The following LRRN2 variants were observed in gnomAD, a reference collection of about 807,000 sequenced individuals.
LRRN2 encodes leucine rich repeat neuronal 2.
In LRRN2, 10 loss-of-function variants were observed where a neutral mutation model predicts 35.7. That is an observed-to-expected ratio of 0.28 (90% CI 0.17 to 0.47). The LOEUF is 0.47. LRRN2 is among the 20% of genes least tolerant of loss of function. LRRN2 has a pLI of 0.99. For missense variants in LRRN2, 731 were observed against 940.3 expected, an observed-to-expected ratio of 0.78 and a Z score of 2.91; for synonymous variants, 391 against 409.6, an observed-to-expected ratio of 0.95 and a Z score of 0.55.
At position 204,619,504 on chromosome 1, in the gene LRRN2, G is replaced by A; in HGVS notation, c.489C>T (p.Gly163=). The part of the protein sequence containing the change: ...LYRIAPRAFS[G]LSNLLRLHLN... ...GGTGCAGCCGCAGCAAGTTGCTGAG[G>A]CCAGAAAAGGCCCTGGGGGCGATGC... The change falls in exon 2 of 2, where the codon GGC becomes GGT. Residue 163 remains glycine, a synonymous_variant. Transcript: ENST00000367177. 5.0e-6 allele frequency: 8 copies of A among 1,614,248 alleles called. No individual in the cohort carries two copies. The highest frequency in any genetic ancestry group is 6.8e-6 in the Non-Finnish European group (8 of 1,180,044).
At position 204,618,822 on chromosome 1, in the gene LRRN2, C is replaced by G; in HGVS notation, c.1171G>C (p.Glu391Gln). ...NATGTRVRFI[E>Q]PQSTLCAEPP... The stretch of plus-strand genomic sequence containing the variant: ...TCCGCACACAGGGTGGATTGCGGCT[C>G]GATGAAGCGGACACGGGTGCCCGTG... Residue 391 changes from glutamate to glutamine, a missense_variant, in exon 2 of 2, where the codon GAG (glutamate) becomes CAG (glutamine). Transcript: ENST00000367177. The G allele has an allele frequency of 6.2e-7, 1 of 1,614,042 alleles. No homozygotes were observed. The highest frequency in any genetic ancestry group is 1.1e-5 in the South Asian group (1 of 91,082).
Position 204,618,634 on chromosome 1 carries a change from G to C in LRRN2, c.1359C>G (p.Pro453=). ...LHCRALAEPE[P]EIYWVTPAGL... ...CAGCTGGAGTGACCCAGTAGATCTC[G>C]GGTTCGGGTTCGGCCAGTGCCCGGC... Residue 453 remains proline (P), a synonymous_variant, in exon 2 of 2, where the codon CCC becomes CCG. Coordinates refer to ENST00000367177, the MANE Select transcript of LRRN2 (RefSeq NM_201630.2). The C allele has an allele frequency of 1.2e-6, 2 of 1,611,440 alleles. No homozygotes were observed. The highest frequency in any genetic ancestry group is 1.7e-6 in the Non-Finnish European group (2 of 1,178,614).
At chr1:204,633,501 A>C (rs1389543647) in intron 1 of LRRN2, among the ~76,000 whole-genome samples, 1 of 152,204 alleles carries the variant, frequency 6.6e-6, no homozygotes, top group Admixed American at 6.5e-5. Flanking sequence ...GGGCAATGAT[A>C]ATAATGGTAG....
At chr1:204,620,944 GGTGAGGGTTGGTGGAAA>G in intron 1 of LRRN2, 1 of 166,438 alleles carries the variant, frequency 6.0e-6, no homozygotes, top group Non-Finnish European at 1.5e-5. Flanking sequence ...GTGGGAGGTG[GGTGAGGGTTGGTGGAAA>G]TAAGTACAGC....
At chr1:204,651,393 TC>T (rs1668221333) in intron 1 of LRRN2, among the ~76,000 whole-genome samples, 1 of 152,228 alleles carries the variant, frequency 6.6e-6, no homozygotes. Flanking sequence ...AATGTGTGTT[TC>T]TTTAAGCTGC....
At chr1:204,655,137 GGTGGC>G (rs1438549492) in intron 1 of LRRN2, among the ~76,000 whole-genome samples, 1 of 152,236 alleles carries the variant, frequency 6.6e-6, no homozygotes, top group Non-Finnish European at 1.5e-5. Context: ...GTGGGACACA[GGTGGC>G]TGGACCCAGC....
intron 1 of LRRN2, among the ~76,000 whole-genome samples, chr1:204,683,908 T>C (rs1285355434): frequency 1.3e-5 from 2 of 152,184 alleles, no homozygotes; most frequent in African/African-American, 4.8e-5. Context: ...TGGCTTTTTC[T>C]GGTAGCCACA....
chr1:204,644,363 C>T (rs769200467), intron 1 of LRRN2, among the ~76,000 whole-genome samples: 4 of 152,082 alleles, frequency 2.6e-5, no homozygotes, highest in Non-Finnish European at 5.9e-5. Flanking sequence ...GGGGAGGTCA[C>T]TTTCTCTCCT....
At chr1:204,636,355 G>C (rs975739771) in intron 1 of LRRN2, among the ~76,000 whole-genome samples, 2 of 152,186 alleles carry the variant, frequency 1.3e-5, no homozygotes, top group Non-Finnish European at 1.5e-5. Flanking sequence ...GATGATCATG[G>C]ACTTAAAAAT....
At chr1:204,662,503 A>G (rs946957291) in intron 1 of LRRN2, among the ~76,000 whole-genome samples, 5 of 152,230 alleles carry the variant, frequency 3.3e-5, no homozygotes, top group Non-Finnish European at 5.9e-5. Flanking sequence ...ACTCGGCTCC[A>G]TATGACTCGA....
At chr1:204,679,998 G>A (rs1352726644) in intron 1 of LRRN2, among the ~76,000 whole-genome samples, 2 of 152,206 alleles carry the variant, frequency 1.3e-5, no homozygotes, top group Non-Finnish European at 2.9e-5. Flanking sequence ...AGGAGAATGG[G>A]CTGGATGTCC....
At chr1:204,639,012 C>G (rs1667915453) in intron 1 of LRRN2, among the ~76,000 whole-genome samples, 1 of 152,250 alleles carries the variant, frequency 6.6e-6, no homozygotes, top group South Asian at 2.1e-4. Flanking sequence ...CTTTGAAAGT[C>G]TTTCCCCTGT....
intron 1 of LRRN2, among the ~76,000 whole-genome samples, chr1:204,654,295 T>G (rs894412104): frequency 1.3e-5 from 2 of 152,200 alleles, no homozygotes; most frequent in Non-Finnish European, 2.9e-5. Context: ...TTCTGGGTAC[T>G]GAAATGTTCA....
intron 1 of LRRN2, among the ~76,000 whole-genome samples, chr1:204,635,797 G>T (rs900775234): frequency 6.6e-6 from 1 of 152,298 alleles, no homozygotes; most frequent in South Asian, 2.1e-4. Context: ...TCAGAATTTT[G>T]GAAGGAGCTG....
chr1:204,653,277 T>A (rs957247541), intron 1 of LRRN2, among the ~76,000 whole-genome samples: 1 of 152,238 alleles, frequency 6.6e-6, no homozygotes, highest in Non-Finnish European at 1.5e-5. Flanking sequence ...TCCCTCTCAA[T>A]TCAGAAGTTC....
chr1:204,662,916 C>T (rs1668500471), intron 1 of LRRN2, among the ~76,000 whole-genome samples: 1 of 152,008 alleles, frequency 6.6e-6, no homozygotes, highest in African/African-American at 2.4e-5. Context: ...CAGGATGGCT[C>T]AGGGGACTGA....
intron 1 of LRRN2, among the ~76,000 whole-genome samples, chr1:204,663,567 C>G (rs1668514074): frequency 1.3e-5 from 2 of 152,224 alleles, no homozygotes; most frequent in African/African-American, 4.8e-5. Flanking sequence ...ATTCTCCTCA[C>G]TGCCCTCTCT....
At chr1:204,628,494 C>G (rs889105210) in intron 1 of LRRN2, 6 of 152,194 alleles carry the variant, frequency 3.9e-5, no homozygotes, top group African/African-American at 1.4e-4. Context: ...TAGAGAGTGC[C>G]CGGTGCTCAT....
Position 204,618,119 on chromosome 1 carries a change from A to G in LRRN2, c.1874T>C (p.Leu625Ser), listed in dbSNP as rs1666503044. Residue 625 changes from leucine to serine, a missense_variant, in exon 2 of 2, where the codon TTA (leucine) becomes TCA (serine). Around this residue, in one of 3 missense-constraint regions of LRRN2, gnomAD observed 229 missense variants for 258.4 expected, o/e 0.89. Coordinates refer to ENST00000367177, the MANE Select transcript of LRRN2 (RefSeq NM_201630.2). ...TKEATSCHRA[L>S]GDRPGLIAIL... ...GGCAATGAGCCCAGGACGGTCCCCT[A>G]AGGCTCTGTGGCAAGAAGTGGCCTC... The G allele has an allele frequency of 8.1e-6, 13 of 1,614,114 alleles. No individual in the cohort carries two copies. The highest frequency in any genetic ancestry group is 1.0e-5 in the Non-Finnish European group (12 of 1,179,970).
Sources: gnomAD v4.1 joint callset for allele counts (sites outside exome capture counted in the v4.1 genomes callset) on GRCh38, gnomAD v4.1.1 for gene constraint, gnomAD v4.1.1 regional missense constraint, MANE v1.5 for transcripts, NCBI Gene and HGNC (gene_info 2026-07-23, HGNC 2026-07-21) for gene names.